Variants in SNRNP70 observed in about 807,000 individuals in gnomAD.
SNRNP70 encodes the protein U1 small nuclear ribonucleoprotein 70 kDa.
Under a neutral mutation model 50.5 loss-of-function variants are expected in SNRNP70, and 8 were observed. The observed-to-expected ratio is 0.16, with a 90% CI of 0.09 to 0.29. The LOEUF (loss-of-function observed/expected upper bound fraction) is 0.29, where lower values mean the gene tolerates loss of function less well. SNRNP70 is among the 10% of genes least tolerant of loss of function. SNRNP70 has a pLI of 1.00. For synonymous variants in SNRNP70, 320 were observed against 252.9 expected, an observed-to-expected ratio of 1.27 and a Z score of -2.52; for missense variants, 529 against 663.5, an observed-to-expected ratio of 0.80 and a Z score of 2.23.
chr19:49,108,550 G>C lies in SNRNP70; in HGVS notation c.*107G>C. On this transcript the variant is annotated 3_prime_UTR_variant, in exon 10 of 10. Coordinates refer to ENST00000598441, the MANE Select transcript of SNRNP70 (RefSeq NM_003089.6). ...ACTTGAGTTTGTCCTCCAAGGGTAG[G>C]TGTCTCATTTGTTCTGGCCCCTTGG... 7.1e-7 allele frequency: 1 copy of C among 1,401,210 alleles called. No individual in the cohort carries two copies. The highest frequency in any genetic ancestry group is 9.6e-7 in the Non-Finnish European group (1 of 1,046,452). The allele number at this position is 1,401,210 out of a possible 1,614,324, so 86.8% of individuals were successfully genotyped here.
At position 49,107,515 on chromosome 19, in the gene SNRNP70, C is replaced by CG; in HGVS notation, c.578-110_578-109insG. ...ACGGGGGGACCCGGCCCTGTGAACACTAAGCCAGGGGCTGCCTTCCTGCCC... is the reference window on the plus strand; with the variant it reads ...ACGGGGGGACCCGGCCCTGTGAACACGTAAGCCAGGGGCTGCCTTCCTGCCC... On this transcript the variant is annotated intron_variant, in intron 8 of 9. Transcript: ENST00000598441. The surrounding 1 kb of genome is among the most constrained non-coding windows in gnomAD (Gnocchi z 6.0). The CG allele has an allele frequency of 9.6e-7, 1 of 1,041,688 alleles. No homozygotes were observed. Among genetic ancestry groups the CG allele is most frequent in the Non-Finnish European group, 1.5e-6 (1 of 680,132 alleles). The allele number at this position is 1,041,688 out of a possible 1,614,324, so 64.5% of individuals were successfully genotyped here. A position where few individuals can be genotyped will look rare whatever the true frequency, so the allele number is the denominator to read the frequency against.
chr19:49,090,168 G>T, intron 2 of SNRNP70, 123 bp from the exon 3 acceptor site: 1 of 793,848 alleles, frequency 1.3e-6, no homozygotes, highest in Non-Finnish European at 2.2e-6. Context: ...GGGGAAGTGT[G>T]CGTGGATGTT....
intron 4 of SNRNP70, among the ~76,000 whole-genome samples, chr19:49,095,604 G>A (rs1262958946): frequency 2.7e-5 from 4 of 149,392 alleles, no homozygotes; most frequent in Non-Finnish European, 3.0e-5. Flanking sequence ...GCACGATCTC[G>A]GTTTACTGCA....
rs769422415 is a variant in SNRNP70 at position 49,107,748 on chromosome 19, C to T, written c.665+36C>T. 14 of 1,612,280 alleles carry T rather than the reference C, an allele frequency of 8.7e-6. No individual in the cohort carries two copies. The East Asian group carries it at 8.9e-5, about 10-fold the overall frequency. Reference sequence around the variant, plus strand: ...GCGACCGGTGTCCTGGGGTGGGGGGCGGTCACGGGGGGAGCCCAGCCACAC... The same window carrying T: ...GCGACCGGTGTCCTGGGGTGGGGGGTGGTCACGGGGGGAGCCCAGCCACAC... On this transcript the variant is annotated intron_variant, in intron 9 of 9. Transcript: ENST00000598441. This position sits in a 1 kb window ranked among gnomAD's most constrained non-coding sequence, Gnocchi z 6.0.
chr19:49,105,642 C>T (rs1365636510), intron 8 of SNRNP70, among the ~76,000 whole-genome samples: 1 of 152,030 alleles, frequency 6.6e-6, no homozygotes. Context: ...CAGAGAATTG[C>T]TTAAACCTGG....
At position 49,108,236 on chromosome 19, in the gene SNRNP70, T is replaced by TCGTGAC. The variant is rs372534575; in HGVS notation, c.1122_1127dup (p.Asp375_Arg376dup). 711 of 1,539,632 alleles carry TCGTGAC rather than the reference T, an allele frequency of 4.6e-4. 2 individuals are homozygous for TCGTGAC. The highest frequency in any genetic ancestry group is 7.4e-4 in the South Asian group (61 of 82,588). On this transcript the variant is annotated inframe_insertion, in exon 10 of 10. Coordinates refer to ENST00000598441, the MANE Select transcript of SNRNP70 (RefSeq NM_003089.6). ...AGCGCGAGCGGCGCCGGGACCGGGA[T>TCGTGAC]CGTGACCGTGACCGTGACCGCGAGC...
chr19:49,096,126 C>T (rs1203561969), intron 4 of SNRNP70, among the ~76,000 whole-genome samples: 4 of 150,722 alleles, frequency 2.7e-5, no homozygotes, highest in African/African-American at 4.9e-5. Flanking sequence ...GGTATGATCT[C>T]GGCTCACTGC....
In SNRNP70 at chr19:49,104,344, ATG is replaced by A; in HGVS notation, c.476-287_476-286del. The A allele has an allele frequency of 2.6e-6, 1 of 379,516 alleles. No homozygotes were observed. 23.5% of individuals were successfully genotyped at this position (379,516 alleles called of 1,614,324 possible). A position where few individuals can be genotyped will look rare whatever the true frequency, so the allele number is the denominator to read the frequency against. On this transcript the variant is annotated intron_variant, in intron 7 of 9. Transcript: ENST00000598441. The surrounding 1 kb of genome is among the most constrained non-coding windows in gnomAD (Gnocchi z 5.4). The stretch of plus-strand genomic sequence containing the variant: ...CCTGGCGGGAGGGGGCTGTTCCATC[ATG>A]TGGGAGAGGAAGGGCCGGGGAGCCT...
At chr19:49,099,038 C>T (rs751587791) in intron 6 of SNRNP70, among the ~76,000 whole-genome samples, 12 of 152,188 alleles carry the variant, frequency 7.9e-5, no homozygotes, top group African/African-American at 1.7e-4. Context: ...AGTATACGGC[C>T]GTCCAAGCTG....
chr19:49,101,286 T>G (rs1407244629), intron 6 of SNRNP70, 104 bp from the exon 7 acceptor site: 1 of 797,290 alleles, frequency 1.3e-6, no homozygotes, highest in African/African-American at 1.7e-5. Context: ...AGAGAGGGTC[T>G]GAGGCCTCAT....
At position 49,107,705 on chromosome 19, in the gene SNRNP70, G is replaced by A; in HGVS notation, c.658G>A (p.Asp220Asn). 6.2e-7 allele frequency: 1 copy of A among 1,614,024 alleles called. No individual in the cohort carries two copies. Among genetic ancestry groups the A allele is most frequent in the Non-Finnish European group, 8.5e-7 (1 of 1,179,966 alleles). The change falls in exon 9 of 10, where the codon GAT (aspartate) becomes AAT (asparagine). Residue 220 changes from aspartate to asparagine, a missense_variant. Around this residue, in one of 4 missense-constraint regions of SNRNP70, gnomAD observed 53 missense variants for 78.6 expected, o/e 0.67. Transcript: ENST00000598441. This position sits in a 1 kb window ranked among gnomAD's most constrained non-coding sequence, Gnocchi z 6.0. ...AGGCCGCGATGACACCTCCCGCTAC[G>A]ATGAGAGGTAAGATTGGGCGACCGG... ...HSGRDDTSRY[D>N]ERPGPSPLPH...
intron 4 of SNRNP70, among the ~76,000 whole-genome samples, chr19:49,094,541 T>C (rs1004279857): frequency 6.6e-6 from 1 of 152,132 alleles, no homozygotes; most frequent in African/African-American, 2.4e-5. Flanking sequence ...ATGAAACAAG[T>C]CCGTCCACGT....
rs35105583 is a variant in SNRNP70, at chr19:49,104,707, C to G, written c.549C>G (p.Thr183=). Reference sequence around the variant, plus strand: ...TTGTGGACGTGGAGAGGGGCCGAACCGTGAAGGGCTGGAGGCCCCGGCGGC... The same window carrying G: ...TTGTGGACGTGGAGAGGGGCCGAACGGTGAAGGGCTGGAGGCCCCGGCGGC... The part of the protein sequence containing the change: ...RVLVDVERGR[T]VKGWRPRRLG... Residue 183 remains threonine, a synonymous_variant, in exon 8 of 10, where the codon ACC becomes ACG. Coordinates refer to ENST00000598441, the MANE Select transcript of SNRNP70 (RefSeq NM_003089.6). This position sits in a 1 kb window ranked among gnomAD's most constrained non-coding sequence, Gnocchi z 5.4. 3 of 1,556,902 alleles carry G rather than the reference C, an allele frequency of 1.9e-6. No homozygotes were observed. The highest frequency in any genetic ancestry group is 1.4e-5 in the African/African-American group (1 of 73,424).
At chr19:49,086,698 T>A in intron 2 of SNRNP70, 137 bp downstream of exon 2, 1 of 819,786 alleles carries the variant, frequency 1.2e-6, no homozygotes, top group Non-Finnish European at 2.0e-6. Context: ...TCAGTTTCTC[T>A]GTTTTAAATG....
chr19:49,108,478 C>G lies in SNRNP70; in HGVS notation c.*35C>G. On this transcript the variant is annotated 3_prime_UTR_variant, in exon 10 of 10. Transcript: ENST00000598441. The stretch of plus-strand genomic sequence containing the variant: ...CCTCTCCATCTGCTGTGTTTGGACG[C>G]GTTCCTGCCCAGCCCCTTGCTGTCA... 2 of 1,555,708 alleles carry G rather than the reference C, an allele frequency of 1.3e-6. No homozygotes were observed. The highest frequency in any genetic ancestry group is 8.7e-7 in the Non-Finnish European group (1 of 1,151,158).
chr19:49,087,586 T>A (rs1240852238), intron 2 of SNRNP70: 2 of 152,234 alleles, frequency 1.3e-5, no homozygotes, highest in African/African-American at 4.8e-5. Context: ...AATGAATGAC[T>A]TAGGCTCCTG....
intron 4 of SNRNP70, among the ~76,000 whole-genome samples, chr19:49,092,935 G>A (rs542024054): frequency 2.2e-5 from 3 of 135,742 alleles, no homozygotes; most frequent in African/African-American, 7.6e-5. Context: ...TTGTTCTTAG[G>A]GACAGGGTCG....
At chr19:49,085,944 A>G (rs1388259597) in intron 1 of SNRNP70, among the ~76,000 whole-genome samples, 1 of 151,836 alleles carries the variant, frequency 6.6e-6, no homozygotes, top group Admixed American at 6.6e-5. Context: ...TCTGTTACCC[A>G]CAAGCACTTG....
chr19:49,085,572 C>T lies in SNRNP70; in HGVS notation c.-75C>T, dbSNP rs1053880531. ...GAAGCCGAAGCAGGAGTTGTTGTTG[C>T]TGAGGGGCTGCCGCAGCCGCCGCGA... On this transcript the variant is annotated 5_prime_UTR_variant, in exon 1 of 10. Coordinates refer to ENST00000598441, the MANE Select transcript of SNRNP70 (RefSeq NM_003089.6). The T allele has an allele frequency of 2.2e-6, 1 of 456,072 alleles. No individual in the cohort carries two copies. Among genetic ancestry groups the T allele is most frequent in the Non-Finnish European group, 4.4e-6 (1 of 226,788 alleles). 28.3% of individuals were successfully genotyped at this position (456,072 alleles called of 1,614,324 possible).
Sources: allele counts gnomAD v4.1 joint callset (sites outside exome capture counted in the v4.1 genomes callset), GRCh38; gene constraint gnomAD v4.1.1; regional missense constraint gnomAD v4.1.1; non-coding constraint Gnocchi (gnomAD v3.1); transcripts MANE v1.5; gene names NCBI Gene and HGNC (gene_info 2026-07-23, HGNC 2026-07-21).